The following CRHR2 variants were observed in gnomAD, a reference collection of about 807,000 sequenced individuals.
CRHR2 encodes the protein corticotropin-releasing hormone receptor 2.
Under a neutral mutation model 57.9 loss-of-function variants are expected in CRHR2, and 53 were observed. That is an observed-to-expected ratio of 0.92 (90% CI 0.73 to 1.15). CRHR2 has a LOEUF of 1.15. Ranked by LOEUF, CRHR2 falls within the 50% of genes most tolerant of loss-of-function variation. The pLI is 0.00. For synonymous variants in CRHR2, 213 were observed against 220.9 expected (o/e 0.96, Z 0.32); for missense variants, 532 against 542.6 (o/e 0.98, Z 0.19).
Position 30,660,591 on chromosome 7 carries a change from G to C in CRHR2, c.813C>G (p.Pro271=). The change falls in exon 8 of 12, where the codon CCC becomes CCG. Residue 271 remains proline (P), a synonymous_variant. Coordinates refer to ENST00000471646, the MANE Select transcript of CRHR2 (RefSeq NM_001883.5). ...GDLVDYIYQG[P]IILVLLINFV... ...GGCTTACCAGGAGCACGAGAATGATGGGGCCTTGGTAGATGTAGTCCACCA... is the reference window on the plus strand; with the variant it reads ...GGCTTACCAGGAGCACGAGAATGATCGGGCCTTGGTAGATGTAGTCCACCA... 6.4e-7 allele frequency: 1 copy of C among 1,568,896 alleles called. No individual in the cohort carries two copies. The highest frequency in any genetic ancestry group is 1.2e-5 in the South Asian group (1 of 85,138).
chr7:30,681,796 TCCGCGGTA>T, intron 2 of CRHR2, 111 bp downstream of exon 2: 6 of 1,409,772 alleles, frequency 4.3e-6, no homozygotes, highest in Non-Finnish European at 5.5e-6. Context: ...ACGCCCGCGG[TCCGCGGTA>T]CCGCGGCCGT....
rs931797093 is a variant in CRHR2 at position 30,681,805 on chromosome 7, C to T, written c.229+110G>A. 4.2e-6 allele frequency: 6 copies of T among 1,433,262 alleles called. No individual in the cohort carries two copies. In the African/African-American group the frequency reaches 4.4e-5, roughly 11 times the overall value. 88.8% of individuals were successfully genotyped at this position (1,433,262 alleles called of 1,614,324 possible). A position where few individuals can be genotyped will look rare whatever the true frequency, so the allele number is the denominator to read the frequency against. On this transcript the variant is annotated intron_variant, in intron 2 of 11. Coordinates refer to ENST00000471646, the MANE Select transcript of CRHR2 (RefSeq NM_001883.5). The stretch of plus-strand genomic sequence containing the variant: ...TCCTTAACGCCCGCGGTCCGCGGTA[C>T]CGCGGCCGTCAGCAGCTTTGTACCG...
chr7:30,660,462 G>C, intron 8 of CRHR2, 111 bp downstream of exon 8: 2 of 1,095,816 alleles, frequency 1.8e-6, no homozygotes, highest in Non-Finnish European at 2.7e-6. Context: ...GGCATATAGA[G>C]TGTGTGCGCA....
chr7:30,674,816 G>A (rs933461030), intron 2 of CRHR2, among the ~76,000 whole-genome samples: 3 of 152,050 alleles, frequency 2.0e-5, no homozygotes, highest in African/African-American at 7.2e-5. Context: ...TTCTTGGTGT[G>A]AGCAGGATTT....
chr7:30,655,391 G>A (rs780434282), intron 10 of CRHR2, among the ~76,000 whole-genome samples, 189 bp downstream of exon 10: 2 of 152,226 alleles, frequency 1.3e-5, no homozygotes, highest in African/African-American at 2.4e-5. Context: ...GGGCTGGTAG[G>A]ATGAAGACCC....
At chr7:30,685,354 G>A (rs923609679), upstream of CRHR2, among the ~76,000 whole-genome samples, 6 of 152,320 alleles carry the variant, frequency 3.9e-5, no homozygotes, top group Middle Eastern at 3.4e-3. Context: ...CCACTCAAAT[G>A]TCAGCTGGAA....
At chr7:30,655,246 G>A (rs1022969354) in intron 10 of CRHR2, among the ~76,000 whole-genome samples, 166 bp from the exon 11 acceptor site, 2 of 152,112 alleles carry the variant, frequency 1.3e-5, no homozygotes, top group Admixed American at 6.5e-5. Context: ...GATATTCCAC[G>A]GTCCACTCTG....
intron 6 of CRHR2, 124 bp downstream of exon 6, chr7:30,662,570 C>T: frequency 8.4e-7 from 1 of 1,190,500 alleles, no homozygotes; most frequent in African/African-American, 1.5e-5. Flanking sequence ...GTAGCTGCAT[C>T]CACCGGACTG....
chr7:30,662,723 C>A lies in CRHR2; in HGVS notation c.668G>T (p.Arg223Leu). Reference sequence around the variant, plus strand: ...TCCGATGAAGAGGAAGAGGCACTTGCGCAGGCGCTCAGTGGAGTAGGTCAT... The same window carrying A: ...TCCGATGAAGAGGAAGAGGCACTTGAGCAGGCGCTCAGTGGAGTAGGTCAT... ...IVMTYSTERL[R>L]KCLFLFIGWC... The change falls in exon 6 of 12, where the codon CGC becomes CTC. Residue 223 changes from arginine to leucine, a missense_variant. Physicochemically the swap from Arg to Leu is moderately radical, Grantham distance 102. Transcript: ENST00000471646. 2 of 1,614,124 alleles carry A rather than the reference C, an allele frequency of 1.2e-6. No homozygotes were observed. Among genetic ancestry groups the A allele is most frequent in the Non-Finnish European group, 8.5e-7 (1 of 1,179,966 alleles).
chr7:30,673,858 C>T (rs1443655531), intron 2 of CRHR2, among the ~76,000 whole-genome samples: 2 of 152,140 alleles, frequency 1.3e-5, no homozygotes, highest in East Asian at 3.9e-4. Flanking sequence ...GTGATGTTCA[C>T]CCAAGCTCAG....
chr7:30,686,665 T>G, upstream of CRHR2: 1 of 695,144 alleles, frequency 1.4e-6, no homozygotes, highest in South Asian at 1.6e-5. Flanking sequence ...GATTTTTATA[T>G]CATCTATGGA....
In CRHR2 at chr7:30,657,989, C is replaced by T. The variant is rs78028535; in HGVS notation, c.832-1977G>A. On this transcript the variant is annotated intron_variant, in intron 8 of 11. Transcript: ENST00000471646. ...CCATCCACTGGCCCATCCGTCTATC[C>T]ATTCATCTACCTAGCAACCAAGGCC... Among the ~76,000 whole-genome samples the T allele has an allele frequency of 9.8e-3, 1,494 of 152,340 alleles. 20 individuals are homozygous for T. The highest frequency in any genetic ancestry group is 0.034 in the African/African-American group (1,395 of 41,572).
At chr7:30,666,420 A>G (rs1370852566) in intron 3 of CRHR2, among the ~76,000 whole-genome samples, 3 of 152,228 alleles carry the variant, frequency 2.0e-5, no homozygotes, top group South Asian at 2.1e-4. Context: ...CCTTCCTGCC[A>G]GGGAGAGCCA....
At chr7:30,663,055 T>C (rs1311633035) in intron 5 of CRHR2, among the ~76,000 whole-genome samples, 1 of 152,260 alleles carries the variant, frequency 6.6e-6, no homozygotes, top group Non-Finnish European at 1.5e-5. Context: ...CATTCTCCAC[T>C]GGGGCCAACG....
At chr7:30,694,903 GA>G (rs879920883) in intron 1 of CRHR2, among the ~76,000 whole-genome samples, 65,275 of 133,214 alleles carry the variant, frequency 0.49, 18,139 homozygotes, top group Non-Finnish European at 0.62. Flanking sequence ...ATGATGAGGA[GA>G]GAAGAAGGGG....
intron 2 of CRHR2, among the ~76,000 whole-genome samples, chr7:30,675,957 C>T (rs2014663): frequency 0.87 from 132,600 of 152,232 alleles, 58,242 homozygotes; most frequent in African/African-American, 0.97. Context: ...GCAAGACGAT[C>T]AGGTGGCTGG....
intron 1 of CRHR2, among the ~76,000 whole-genome samples, chr7:30,694,576 G>T (rs1004593215): frequency 1.4e-4 from 22 of 152,194 alleles, no homozygotes; most frequent in African/African-American, 5.3e-4. Context: ...TGTGTCCTGG[G>T]CCCAGGCTGC....
At chr7:30,666,829 C>T (rs1784199861) in intron 3 of CRHR2, among the ~76,000 whole-genome samples, 1 of 152,038 alleles carries the variant, frequency 6.6e-6, no homozygotes, top group African/African-American at 2.4e-5. Flanking sequence ...TGGGGACAGC[C>T]CTTGGGGGGC....
At chr7:30,692,028 G>T (rs1030456468) in intron 1 of CRHR2, among the ~76,000 whole-genome samples, 1 of 152,196 alleles carries the variant, frequency 6.6e-6, no homozygotes, top group African/African-American at 2.4e-5. Flanking sequence ...GGGATGCTGG[G>T]CTTAGCTGTG....
Sources: allele counts gnomAD v4.1 joint callset (sites outside exome capture counted in the v4.1 genomes callset), GRCh38; gene constraint gnomAD v4.1.1; transcripts MANE v1.5; gene names NCBI Gene and HGNC (gene_info 2026-07-23, HGNC 2026-07-21).